Variants in ZFAND4 observed in about 807,000 individuals in gnomAD.
ZFAND4 encodes zinc finger AN1-type containing 4.
A neutral mutation model predicts 64.4 loss-of-function variants in ZFAND4; 43 were observed. The observed-to-expected ratio is 0.67, with a 90% CI of 0.52 to 0.86. The LOEUF (loss-of-function observed/expected upper bound fraction) is 0.86, where lower values mean the gene tolerates loss of function less well. ZFAND4 is among the 40% of genes least tolerant of loss of function. The pLI is 0.00. For synonymous variants in ZFAND4, 296 were observed against 305.7 expected, an observed-to-expected ratio of 0.97 and a Z score of 0.33; for missense variants, 929 against 859.8, an observed-to-expected ratio of 1.08 and a Z score of -1.01.
At chr10:45,664,030 G>T (rs537795541) in intron 1 of ZFAND4, among the ~76,000 whole-genome samples, 188 bp from the exon 2 acceptor site, 19 of 152,110 alleles carry the variant, frequency 1.2e-4, no homozygotes, top group South Asian at 4.2e-4. Flanking sequence ...TAGACCATAA[G>T]ATTATTAAGA....
chr10:45,640,807 A>C (rs898598678), intron 5 of ZFAND4, among the ~76,000 whole-genome samples: 1 of 152,174 alleles, frequency 6.6e-6, no homozygotes, highest in Non-Finnish European at 1.5e-5. Context: ...TTTTTTAAGT[A>C]GAGATAACTT....
intron 5 of ZFAND4, among the ~76,000 whole-genome samples, chr10:45,647,493 T>A (rs2047469557): frequency 6.6e-6 from 1 of 151,720 alleles, no homozygotes; most frequent in East Asian, 1.9e-4. Flanking sequence ...ACACCTTCCC[T>A]TGCTTTGTCT....
chr10:45,639,770 C>T (rs1223214737), intron 6 of ZFAND4, 46 bp downstream of exon 6: 1 of 1,558,564 alleles, frequency 6.4e-7, no homozygotes, highest in South Asian at 1.2e-5. Context: ...GAGTGCTCTG[C>T]AGGGGTAAGC....
At chr10:45,654,203 A>G (rs182190894) in intron 2 of ZFAND4, among the ~76,000 whole-genome samples, 20 of 152,316 alleles carry the variant, frequency 1.3e-4, no homozygotes, top group African/African-American at 3.8e-4. Context: ...AAAACTACCT[A>G]TCGAGTACTA....
chr10:45,650,503 C>T (rs2133782534), intron 4 of ZFAND4: 1 of 150,778 alleles, frequency 6.6e-6, no homozygotes, highest in East Asian at 1.9e-4. Context: ...CAGAGCAAGA[C>T]TCCGTCTCAA....
At chr10:45,617,383 T>C (rs1364539190) in intron 9 of ZFAND4, among the ~76,000 whole-genome samples, 1 of 152,016 alleles carries the variant, frequency 6.6e-6, no homozygotes, top group Non-Finnish European at 1.5e-5. Context: ...ATTCCAGCAC[T>C]TTGGGAGGCA....
rs2046860706 is a variant in ZFAND4, at chr10:45,639,769, G to A, written c.717+47C>T. On this transcript the variant is annotated intron_variant, in intron 6 of 9. Transcript: ENST00000344646. ...AACAGACCTCATTGCTGAGTGCTCT[G>A]CAGGGGTAAGCTAGAGATAAGCCTG... 3.9e-6 allele frequency: 6 copies of A among 1,558,200 alleles called. No individual in the cohort carries two copies. The East Asian group carries it at 1.1e-4, about 30-fold the overall frequency.
chr10:45,650,197 C>A (rs2047669655), intron 4 of ZFAND4: 1 of 152,162 alleles, frequency 6.6e-6, no homozygotes, highest in Non-Finnish European at 1.5e-5. Context: ...ACCTCTGTCA[C>A]CCAGACTGGA....
chr10:45,644,632 T>G (rs2047246758), intron 5 of ZFAND4, among the ~76,000 whole-genome samples: 1 of 152,332 alleles, frequency 6.6e-6, no homozygotes, highest in Admixed American at 6.5e-5. Context: ...GTTTAAAGAT[T>G]ACTTTTCCAG....
rs571982719 is a variant in ZFAND4 at position 45,625,333 on chromosome 10, G to A, written c.1872+618C>T. On this transcript the variant is annotated intron_variant, in intron 7 of 9. Transcript: ENST00000344646. ...TAAAAATACAAAAAAAATTAGCCAG[G>A]CGTGGTGGTAGGTGCCTGTAGTCCC... 1.6e-3 allele frequency among the ~76,000 whole-genome samples: 249 copies of A among 151,452 alleles called. 4 individuals are homozygous for A. The highest frequency in any genetic ancestry group is 0.014 in the South Asian group (67 of 4,766).
chr10:45,638,938 T>C (rs1243747889), intron 6 of ZFAND4, among the ~76,000 whole-genome samples: 1 of 152,058 alleles, frequency 6.6e-6, no homozygotes, highest in Non-Finnish European at 1.5e-5. Flanking sequence ...TTTCTGAGAG[T>C]AGGAACAGGT....
intron 1 of ZFAND4, 39 bp from the exon 2 acceptor site, chr10:45,663,881 A>T (rs1589436868): frequency 1.8e-6 from 1 of 567,780 alleles, no homozygotes; most frequent in East Asian, 3.4e-5. Context: ...CCTATCTGAA[A>T]GTTGTATTTG....
intron 7 of ZFAND4, among the ~76,000 whole-genome samples, chr10:45,625,706 C>T (rs1450838825): frequency 6.6e-6 from 1 of 152,068 alleles, no homozygotes; most frequent in Non-Finnish European, 1.5e-5. Context: ...ACAACATATA[C>T]ATACATATCT....
chr10:45,648,913 TTC>T (rs2047573167), intron 4 of ZFAND4: 1 of 977,768 alleles, frequency 1.0e-6, no homozygotes, highest in African/African-American at 1.8e-5. Flanking sequence ...TCCCTATATT[TTC>T]AAATATTGGT....
Position 45,663,835 on chromosome 10 carries a change from T to A in ZFAND4, c.-110A>T. 1 of 970,682 alleles carries A rather than the reference T, an allele frequency of 1.0e-6. No homozygotes were observed. Among genetic ancestry groups the A allele is most frequent in the Non-Finnish European group, 1.4e-6 (1 of 702,422 alleles). The allele number at this position is 970,682 out of a possible 1,614,324, so 60.1% of individuals were successfully genotyped here. ...TATATATTGTTGTTCATGTTTTGAG[T>A]TTTGTACCTAAAAAAACAAGAATTT... On this transcript the variant is annotated 5_prime_UTR_variant, in exon 2 of 10. Coordinates refer to ENST00000344646, the MANE Select transcript of ZFAND4 (RefSeq NM_174890.4).
intron 8 of ZFAND4, among the ~76,000 whole-genome samples, chr10:45,619,376 CT>C (rs1380632978): frequency 6.6e-6 from 1 of 152,158 alleles, no homozygotes; most frequent in Non-Finnish European, 1.5e-5. Flanking sequence ...AGTTAAATGT[CT>C]TTTAGAACTG....
chr10:45,668,027 A>G (rs1223385998), intron 1 of ZFAND4, among the ~76,000 whole-genome samples: 1 of 152,146 alleles, frequency 6.6e-6, no homozygotes, highest in African/African-American at 2.4e-5. Context: ...TTCATTGTCT[A>G]TTGAAATAAT....
intron 8 of ZFAND4, among the ~76,000 whole-genome samples, chr10:45,619,326 G>A (rs1564543292): frequency 2.0e-5 from 3 of 152,148 alleles, no homozygotes; most frequent in East Asian, 3.9e-4. Flanking sequence ...TTACAGGTGT[G>A]AGCCACCACG....
At chr10:45,621,386 A>G (rs2045409412) in intron 8 of ZFAND4, among the ~76,000 whole-genome samples, 1 of 151,816 alleles carries the variant, frequency 6.6e-6, no homozygotes, top group Admixed American at 6.6e-5. Flanking sequence ...AATCAAACAA[A>G]AAAGCATATA....
Sources: allele counts gnomAD v4.1 joint callset (sites outside exome capture counted in the v4.1 genomes callset), GRCh38; gene constraint gnomAD v4.1.1; transcripts MANE v1.5; gene names NCBI Gene and HGNC (gene_info 2026-07-23, HGNC 2026-07-21).